The following DLC1 variants were observed in gnomAD, a reference collection of about 807,000 sequenced individuals.
The protein encoded by DLC1 is DLC1 Rho GTPase activating protein, also known as rho GTPase-activating protein 7.
In DLC1, 54 loss-of-function variants were observed where a neutral mutation model predicts 140.3. That is an observed-to-expected ratio of 0.38 (90% CI 0.31 to 0.48). DLC1 has a LOEUF of 0.48. Ranked by LOEUF, DLC1 falls within the 20% of genes least tolerant of loss-of-function variation. DLC1 has a pLI of 0.96. For missense variants in DLC1, 2,536 were observed against 1,907.0 expected (o/e 1.33, Z -6.14); for synonymous variants, 986 against 728.1 (o/e 1.35, Z -5.70).
In DLC1 at chr8:13,392,388, A is replaced by G. The variant is rs183777177; in HGVS notation, c.1314+1165T>C. On this transcript the variant is annotated intron_variant, in intron 4 of 17. Transcript: ENST00000276297. ...AAAATGTTTTAGATATAAATAACAC[A>G]GGGAACATAATTTCCATGTAAATAT... Among the ~76,000 whole-genome samples, 850 of 152,346 alleles carry G rather than the reference A, an allele frequency of 5.6e-3. 7 individuals are homozygous for G. Among genetic ancestry groups the G allele is most frequent in the South Asian group, 0.032 (155 of 4,828 alleles).
At chr8:13,423,790 A>T (rs533767995) in intron 2 of DLC1, among the ~76,000 whole-genome samples, 1 of 152,170 alleles carries the variant, frequency 6.6e-6, no homozygotes, top group African/African-American at 2.4e-5. Flanking sequence ...CATTAGTAAT[A>T]AAATAATTCA....
intron 2 of DLC1, among the ~76,000 whole-genome samples, chr8:13,461,600 T>C (rs111404090): frequency 0.021 from 3,228 of 152,328 alleles, 101 homozygotes; most frequent in African/African-American, 0.073. Context: ...TATAAAATTA[T>C]TATTGGTTTA....
intron 5 of DLC1, among the ~76,000 whole-genome samples, chr8:13,154,880 A>T (rs1326383472): frequency 2.6e-5 from 4 of 152,228 alleles, no homozygotes; most frequent in Admixed American, 2.6e-4. Context: ...TGATAGGTAG[A>T]TAAGGGAATC....
At chr8:13,208,326 G>T (rs1393710932) in intron 5 of DLC1, among the ~76,000 whole-genome samples, 2 of 152,080 alleles carry the variant, frequency 1.3e-5, no homozygotes, top group African/African-American at 4.8e-5. Context: ...TCAGTTTCTA[G>T]GCAGAGAAGG....
chr8:13,450,530 TAGAA>T (rs1798992363), intron 2 of DLC1, among the ~76,000 whole-genome samples: 1 of 150,828 alleles, frequency 6.6e-6, no homozygotes, highest in African/African-American at 2.4e-5. Context: ...TAGTCAAACT[TAGAA>T]AGCTTATTTT....
intron 1 of DLC1, among the ~76,000 whole-genome samples, chr8:13,595,302 G>A (rs1308072660): frequency 1.3e-5 from 2 of 151,838 alleles, no homozygotes. Flanking sequence ...TCCCACTGTG[G>A]TATTATAAAT....
intron 4 of DLC1, among the ~76,000 whole-genome samples, chr8:13,333,877 G>T (rs887544002): frequency 8.5e-5 from 13 of 152,216 alleles, no homozygotes; most frequent in African/African-American, 3.1e-4. Flanking sequence ...TTCAGACACA[G>T]AAAATTTTCA....
chr8:13,548,576 C>G (rs975628389), intron 1 of DLC1, among the ~76,000 whole-genome samples: 14 of 151,968 alleles, frequency 9.2e-5, no homozygotes, highest in Admixed American at 2.0e-4. Flanking sequence ...AATTTAATTG[C>G]CACTACGTTG....
chr8:13,458,877 G>C (rs539062672), intron 2 of DLC1, among the ~76,000 whole-genome samples: 2 of 151,020 alleles, frequency 1.3e-5, no homozygotes, highest in East Asian at 3.9e-4. Context: ...ATCTTAAAAA[G>C]TTTACTTACT....
chr8:13,290,101 A>G (rs1831700992), intron 5 of DLC1, among the ~76,000 whole-genome samples: 1 of 152,200 alleles, frequency 6.6e-6, no homozygotes, highest in African/African-American at 2.4e-5. Flanking sequence ...ATATTCAAAA[A>G]TAGTTTTGGT....
At chr8:13,442,397 T>A (rs1468816228) in intron 2 of DLC1, among the ~76,000 whole-genome samples, 1 of 152,060 alleles carries the variant, frequency 6.6e-6, no homozygotes, top group Non-Finnish European at 1.5e-5. Flanking sequence ...CAAAAGAAAC[T>A]ACCATCACAG....
At chr8:13,348,604 T>C (rs1834484806) in intron 4 of DLC1, among the ~76,000 whole-genome samples, 1 of 152,172 alleles carries the variant, frequency 6.6e-6, no homozygotes, top group Non-Finnish European at 1.5e-5. Context: ...ATGGAGGGCA[T>C]GGTTTTAAAT....
intron 4 of DLC1, among the ~76,000 whole-genome samples, chr8:13,310,356 A>C (rs1256495797): frequency 2.6e-5 from 4 of 152,220 alleles, no homozygotes; most frequent in Non-Finnish European, 5.9e-5. Flanking sequence ...TGACAGAGTA[A>C]TTTACTCCTT....
intron 4 of DLC1, among the ~76,000 whole-genome samples, chr8:13,337,338 G>A (rs185052830): frequency 6.6e-6 from 1 of 152,172 alleles, no homozygotes; most frequent in East Asian, 1.9e-4. Flanking sequence ...TTATCTGTCC[G>A]ATTTCAGAAT....
Position 13,110,744 on chromosome 8 carries a change from G to A in DLC1, c.1500C>T (p.Cys500=). 6.2e-7 allele frequency: 1 copy of A among 1,613,560 alleles called. No homozygotes were observed. Among genetic ancestry groups the A allele is most frequent in the Non-Finnish European group, 8.5e-7 (1 of 1,179,658 alleles). Residue 500 remains cysteine (C), a splice_region_variant and synonymous_variant, in exon 7 of 18, where the codon TGC becomes TGT. Coordinates refer to ENST00000276297, the MANE Select transcript of DLC1 (RefSeq NM_182643.3). The stretch of plus-strand genomic sequence containing the variant: ...ACACTCAAAACGTGTCCATTTACCT[G>A]CATAGAGCCTCAATGGCATCTCTGT... The part of the protein sequence containing the change: ...FLDRDAIEAL[C]RRLNTLNKCA...
chr8:13,243,447 A>G (rs750446808), intron 5 of DLC1, among the ~76,000 whole-genome samples: 26 of 152,132 alleles, frequency 1.7e-4, no homozygotes, highest in Non-Finnish European at 2.8e-4. Flanking sequence ...TGTGAAACTG[A>G]GTCAATTAAA....
intron 1 of DLC1, among the ~76,000 whole-genome samples, chr8:13,519,934 T>C (rs1426317088): frequency 2.0e-5 from 3 of 152,208 alleles, no homozygotes; most frequent in Non-Finnish European, 4.4e-5. Context: ...TACCATTTCA[T>C]GCCAGTTAGA....
At chr8:13,586,552 C>T (rs998935617) in intron 1 of DLC1, among the ~76,000 whole-genome samples, 1 of 149,610 alleles carries the variant, frequency 6.7e-6, no homozygotes, top group Non-Finnish European at 1.5e-5. Context: ...TTTAATTAGA[C>T]TTTTTTAAAT....
intron 2 of DLC1, among the ~76,000 whole-genome samples, chr8:13,486,237 G>A (rs1299292714): frequency 6.6e-6 from 1 of 152,038 alleles, no homozygotes; most frequent in Non-Finnish European, 1.5e-5. Flanking sequence ...CAGGAGAAAC[G>A]TAGAAAAAAC....
Sources: allele counts gnomAD v4.1 joint callset (sites outside exome capture counted in the v4.1 genomes callset), GRCh38; gene constraint gnomAD v4.1.1; transcripts MANE v1.5; gene names NCBI Gene and HGNC (gene_info 2026-07-23, HGNC 2026-07-21).